Variants in RPS6KC1 observed in about 807,000 individuals in gnomAD.
The protein encoded by RPS6KC1 is inactive ribosomal protein S6 kinase delta-1.
In RPS6KC1, 54 loss-of-function variants were observed where a neutral mutation model predicts 103.8. The observed-to-expected ratio is 0.52, with a 90% confidence interval of 0.42 to 0.65. The LOEUF is 0.65. Ranked by LOEUF, RPS6KC1 falls within the 30% of genes least tolerant of loss-of-function variation. The probability of loss-of-function intolerance (pLI) is 0.00; values close to 1 mark genes in which losing one functional copy is unlikely to be tolerated. For synonymous variants in RPS6KC1, 439 were observed against 438.7 expected (o/e 1.00, Z -0.01); for missense variants, 1,151 against 1,253.8 (o/e 0.92, Z 1.24).
chr1:213,436,860 G>T, the RPS6KC1 span, among the ~76,000 whole-genome samples: 7 of 152,042 alleles, frequency 4.6e-5, no homozygotes, highest in Non-Finnish European at 8.8e-5. Context: ...TTGACCATTT[G>T]TCAGTGGCCT....
the RPS6KC1 span, among the ~76,000 whole-genome samples, chr1:213,447,818 A>G: frequency 6.6e-6 from 1 of 152,276 alleles, no homozygotes; most frequent in African/African-American, 2.4e-5. Flanking sequence ...AGAAAGTTAT[A>G]TAACAATTGG....
At chr1:213,378,978 C>A in the RPS6KC1 span, among the ~76,000 whole-genome samples, 9 of 152,124 alleles carry the variant, frequency 5.9e-5, no homozygotes, top group African/African-American at 2.2e-4. Flanking sequence ...AGAGAGTTCC[C>A]TGCTAGGGTC....
At chr1:213,239,931 A>G (rs755279979) in intron 10 of RPS6KC1, among the ~76,000 whole-genome samples, 1 of 152,218 alleles carries the variant, frequency 6.6e-6, no homozygotes, top group African/African-American at 2.4e-5. Flanking sequence ...AAAGAAAACT[A>G]TGGTGAAATA....
chr1:213,749,700 G>A, the RPS6KC1 span, among the ~76,000 whole-genome samples: 2 of 151,938 alleles, frequency 1.3e-5, no homozygotes, highest in South Asian at 4.2e-4. Flanking sequence ...ACTACACTTC[G>A]ATGTGGTGTC....
the RPS6KC1 span, among the ~76,000 whole-genome samples, chr1:213,497,136 G>T: frequency 1.6e-4 from 25 of 152,110 alleles, no homozygotes; most frequent in Non-Finnish European, 2.9e-5. Context: ...TTCTTCTTTT[G>T]ACTGAATGAG....
intron 8 of RPS6KC1, among the ~76,000 whole-genome samples, chr1:213,209,090 C>T (rs180940370): frequency 5.9e-5 from 9 of 151,926 alleles, no homozygotes; most frequent in African/African-American, 9.7e-5. Flanking sequence ...GGCTACAGCC[C>T]GTTGAACTTG....
intron 6 of RPS6KC1, among the ~76,000 whole-genome samples, chr1:213,142,672 A>G (rs2149098633): frequency 6.6e-6 from 1 of 152,186 alleles, no homozygotes; most frequent in South Asian, 2.1e-4. Flanking sequence ...ATGGCGATTA[A>G]GCAACCACTA....
the RPS6KC1 span, among the ~76,000 whole-genome samples, chr1:213,421,066 A>G: frequency 2.0e-5 from 3 of 152,320 alleles, no homozygotes; most frequent in Non-Finnish European, 4.4e-5. Context: ...CCAGTTTCCA[A>G]ATAAGGTCAC....
At chr1:213,175,318 T>G (rs2091794966) in intron 7 of RPS6KC1, among the ~76,000 whole-genome samples, 1 of 152,234 alleles carries the variant, frequency 6.6e-6, no homozygotes, top group Admixed American at 6.5e-5. Flanking sequence ...GTACAGGAAC[T>G]TCAAGTATCA....
the RPS6KC1 span, among the ~76,000 whole-genome samples, chr1:213,847,752 T>A: frequency 6.6e-6 from 1 of 152,090 alleles, no homozygotes; most frequent in Non-Finnish European, 1.5e-5. Context: ...ACCAGCCCCA[T>A]CCAGGATCCT....
the RPS6KC1 span, among the ~76,000 whole-genome samples, chr1:213,552,733 G>C: frequency 6.6e-6 from 1 of 152,168 alleles, no homozygotes; most frequent in Non-Finnish European, 1.5e-5. Flanking sequence ...TTTGGAAGTG[G>C]AGGTGCTTTT....
chr1:213,459,274 C>A, the RPS6KC1 span, among the ~76,000 whole-genome samples: 2,397 of 152,188 alleles, frequency 0.016, 63 homozygotes, highest in African/African-American at 0.053. Flanking sequence ...ATTACTGCCT[C>A]AATTTCAGAA....
At chr1:213,224,378 T>C (rs909894941) in intron 8 of RPS6KC1, among the ~76,000 whole-genome samples, 3 of 152,116 alleles carry the variant, frequency 2.0e-5, no homozygotes, top group African/African-American at 4.8e-5. Flanking sequence ...TTCTTTTTTT[T>C]CCCCCAGTTA....
At chr1:213,737,361 A>G in the RPS6KC1 span, among the ~76,000 whole-genome samples, 2 of 152,208 alleles carry the variant, frequency 1.3e-5, no homozygotes, top group Admixed American at 1.3e-4. Context: ...ATGCTAGAAC[A>G]TACTCACCAT....
intron 12 of RPS6KC1, among the ~76,000 whole-genome samples, chr1:213,246,475 C>T (rs2094456236): frequency 6.6e-6 from 1 of 152,038 alleles, no homozygotes; most frequent in Non-Finnish European, 1.5e-5. Context: ...AGAATAAAAA[C>T]TGGAGTAAAT....
At chr1:213,286,005 T>C in the RPS6KC1 span, among the ~76,000 whole-genome samples, 1 of 152,200 alleles carries the variant, frequency 6.6e-6, no homozygotes, top group Non-Finnish European at 1.5e-5. Flanking sequence ...TTACCCAGCC[T>C]AAGGCAGAAC....
At chr1:213,687,018 A>G in the RPS6KC1 span, among the ~76,000 whole-genome samples, 1 of 152,308 alleles carries the variant, frequency 6.6e-6, no homozygotes, top group Non-Finnish European at 1.5e-5. Context: ...ATGCTAATGT[A>G]TTATCATTAG....
intron 6 of RPS6KC1, among the ~76,000 whole-genome samples, chr1:213,137,025 A>G (rs971843264): frequency 6.6e-6 from 1 of 151,972 alleles, no homozygotes; most frequent in Non-Finnish European, 1.5e-5. Context: ...CATTCCTTAC[A>G]AGGGCAGGGT....
At chr1:213,760,667 T>C in the RPS6KC1 span, among the ~76,000 whole-genome samples, 2 of 152,184 alleles carry the variant, frequency 1.3e-5, no homozygotes, top group East Asian at 3.9e-4. Flanking sequence ...TTGTGGATAA[T>C]GGATTATTTA....
Sources: gnomAD v4.1 joint callset for allele counts (sites outside exome capture counted in the v4.1 genomes callset) on GRCh38, gnomAD v4.1.1 for gene constraint, MANE v1.5 for transcripts, NCBI Gene and HGNC (gene_info 2026-07-23, HGNC 2026-07-21) for gene names.